SASH1: variants seen among roughly 807,000 people sequenced by gnomAD.
SASH1 encodes SAM and SH3 domain containing 1.
SASH1 carries 44 observed loss-of-function variants against 125.2 expected under a neutral mutation model. The ratio of observed to expected loss-of-function variants is 0.35; its 90% confidence interval spans 0.28 to 0.45. The LOEUF (loss-of-function observed/expected upper bound fraction) is 0.45. SASH1 is among the 20% of genes least tolerant of loss of function. The pLI is 1.00. For missense variants in SASH1, 1,426 were observed against 1,614.5 expected (o/e 0.88, Z 2.00); for synonymous variants, 639 against 649.1 (o/e 0.98, Z 0.24).
intron 4 of SASH1, among the ~76,000 whole-genome samples, chr6:148,456,242 C>T (rs1332613713): frequency 1.3e-5 from 2 of 152,204 alleles, no homozygotes; most frequent in Non-Finnish European, 1.5e-5. Context: ...CCTCACTTTC[C>T]CCCTAGGTTC....
In SASH1 at chr6:148,533,761, T is replaced by C; in HGVS notation, c.1735-10T>C. 6.2e-7 allele frequency: 1 copy of C among 1,609,604 alleles called. No individual in the cohort carries two copies. The highest frequency in any genetic ancestry group is 8.5e-7 in the Non-Finnish European group (1 of 1,177,500). On this transcript the variant is annotated splice_polypyrimidine_tract_variant and intron_variant, in intron 14 of 19. Transcript: ENST00000367467. This position sits in a 1 kb window ranked among gnomAD's most constrained non-coding sequence, Gnocchi z 6.2. Reference sequence around the variant, plus strand: ...ACCTAATGGAAAGATCTTTGCTCCCTGGGCCACAGAAAGGAGATATCATCG... The same window carrying C: ...ACCTAATGGAAAGATCTTTGCTCCCCGGGCCACAGAAAGGAGATATCATCG...
At position 148,544,634 on chromosome 6, in the gene SASH1, C is replaced by T; in HGVS notation, c.3164C>T (p.Thr1055Ile). Reference sequence around the variant, plus strand: ...CAGGCGCCTGGCAGCCCACCAAGCACAAGGCCGCCCCCCTGGCTCTCAGAG... The same window carrying T: ...CAGGCGCCTGGCAGCCCACCAAGCATAAGGCCGCCCCCCTGGCTCTCAGAG... ...SGQAPGSPPS[T>I]RPPPWLSELP... The change falls in exon 18 of 20, where the codon ACA (threonine) becomes ATA (isoleucine). Residue 1055 changes from threonine (T) to isoleucine (I), a missense_variant. Physicochemically the swap from Thr to Ile is moderately conservative, Grantham distance 89. This residue lies in a region of SASH1 where 634 missense variants were observed against 694.4 expected (regional missense o/e 0.91). Transcript: ENST00000367467. This position sits in a 1 kb window ranked among gnomAD's most constrained non-coding sequence, Gnocchi z 6.4. 1 of 1,613,514 alleles carries T rather than the reference C, an allele frequency of 6.2e-7. No homozygotes were observed. The highest frequency in any genetic ancestry group is 8.5e-7 in the Non-Finnish European group (1 of 1,179,856).
At chr6:148,417,910 A>G (rs895314028) in intron 2 of SASH1, among the ~76,000 whole-genome samples, 1 of 152,200 alleles carries the variant, frequency 6.6e-6, no homozygotes, top group African/African-American at 2.4e-5. Flanking sequence ...AACTTTGATG[A>G]TGATGATGGT....
chr6:148,298,061 C>T (rs1049720558), intron 1 of SASH1, among the ~76,000 whole-genome samples: 37 of 150,412 alleles, frequency 2.5e-4, no homozygotes, highest in African/African-American at 9.0e-4. Context: ...GGCTGGACTC[C>T]AGTGGCACGG....
chr6:148,507,645 C>T (rs920202221), intron 8 of SASH1, among the ~76,000 whole-genome samples: 6 of 152,300 alleles, frequency 3.9e-5, no homozygotes, highest in Admixed American at 6.5e-5. Flanking sequence ...AGGCGTGAGC[C>T]ACTGTGCCTG....
intron 1 of SASH1, among the ~76,000 whole-genome samples, chr6:148,289,536 G>C (rs1779571671): frequency 6.6e-6 from 1 of 152,204 alleles, no homozygotes; most frequent in Admixed American, 6.5e-5. Flanking sequence ...TTTCTTCACG[G>C]TAACCAATGC....
intron 2 of SASH1, among the ~76,000 whole-genome samples, chr6:148,402,294 A>G (rs574583581): frequency 1.3e-4 from 20 of 152,266 alleles, no homozygotes; most frequent in Non-Finnish European, 2.9e-4. Flanking sequence ...GCTGATAATT[A>G]TCACAAAAAT....
At position 148,548,524 on chromosome 6, in the gene SASH1, T is replaced by C. The variant is rs759303694; in HGVS notation, c.3710T>C (p.Leu1237Pro). The C allele has an allele frequency of 1.2e-6, 2 of 1,612,150 alleles. No individual in the cohort carries two copies. The highest frequency in any genetic ancestry group is 1.7e-4 in the Middle Eastern group (1 of 6,052). Residue 1237 changes from leucine to proline, a missense_variant, in exon 20 of 20, where the codon CTC becomes CCC. By Grantham distance (98) the Leu-to-Pro change is moderately conservative. Transcript: ENST00000367467. ...HIRKLLSAARLFKLPPGPEAM is the reference protein window; with the variant it reads ...HIRKLLSAARPFKLPPGPEAM ...AGAAAGCTCCTATCTGCAGCCAGAC[T>C]CTTCAAACTGCCGCCAGGCCCTGAG...
chr6:148,331,213 C>G (rs139630539), intron 1 of SASH1, among the ~76,000 whole-genome samples: 142 of 152,340 alleles, frequency 9.3e-4, no homozygotes, highest in African/African-American at 3.4e-3. Context: ...TCCGAATCTT[C>G]ATAGTTCAGA....
intron 8 of SASH1, chr6:148,508,352 T>C (rs1199972995): frequency 4.8e-6 from 2 of 417,960 alleles, no homozygotes; most frequent in Non-Finnish European, 6.4e-6. Flanking sequence ...AGAGATCTTT[T>C]TTTAAGTTCA....
In SASH1 at chr6:148,521,600, A is replaced by G. The variant is rs572165937; in HGVS notation, c.1209+1707A>G. 2.0e-5 allele frequency among the ~76,000 whole-genome samples: 3 copies of G among 152,290 alleles called. No individual in the cohort carries two copies. In the East Asian group the frequency reaches 5.8e-4, roughly 29 times the overall value. On this transcript the variant is annotated intron_variant, in intron 10 of 19. Transcript: ENST00000367467. Reference sequence around the variant, plus strand: ...TTGCAGCACTTTTAATACTACTAGTATGTAGCAGGAACTTTTCTTCTGGCT... The same window carrying G: ...TTGCAGCACTTTTAATACTACTAGTGTGTAGCAGGAACTTTTCTTCTGGCT...
At chr6:148,481,272 G>A (rs1000121335) in intron 7 of SASH1, among the ~76,000 whole-genome samples, 3 of 152,114 alleles carry the variant, frequency 2.0e-5, no homozygotes, top group South Asian at 2.1e-4. Flanking sequence ...GTTGGCTTAC[G>A]AGAGTGTTGT....
At chr6:148,256,769 C>T in the SASH1 span, among the ~76,000 whole-genome samples, 1 of 152,102 alleles carries the variant, frequency 6.6e-6, no homozygotes, top group Non-Finnish European at 1.5e-5. Flanking sequence ...TATGGTATGA[C>T]TATGCATTTG....
chr6:148,348,245 C>T (rs1781582394), intron 1 of SASH1, among the ~76,000 whole-genome samples: 2 of 152,170 alleles, frequency 1.3e-5, no homozygotes, highest in African/African-American at 2.4e-5. Context: ...CCACCCACCT[C>T]GGTCTCCCAA....
intron 4 of SASH1, among the ~76,000 whole-genome samples, chr6:148,447,564 C>T (rs1318282608): frequency 6.6e-6 from 1 of 152,166 alleles, no homozygotes; most frequent in African/African-American, 2.4e-5. Context: ...TGCTTTGGAT[C>T]ATCTGCTGCT....
intron 4 of SASH1, among the ~76,000 whole-genome samples, chr6:148,460,578 A>G (rs1205018748): frequency 6.6e-6 from 1 of 152,208 alleles, no homozygotes; most frequent in African/African-American, 2.4e-5. Context: ...GACTCAAGCC[A>G]TTTCCCTTGA....
At chr6:148,275,411 G>T (rs1243389806) in intron 1 of SASH1, among the ~76,000 whole-genome samples, 1 of 152,048 alleles carries the variant, frequency 6.6e-6, no homozygotes, top group African/African-American at 2.4e-5. Context: ...TTCCACTTGT[G>T]GTTTCTTTTG....
At chr6:148,426,246 A>G (rs1775819536) in intron 2 of SASH1, among the ~76,000 whole-genome samples, 1 of 151,922 alleles carries the variant, frequency 6.6e-6, no homozygotes, top group African/African-American at 2.4e-5. Flanking sequence ...AAATAATAAT[A>G]CTTTTTTTTC....
At chr6:148,447,633 C>T (rs1297499723) in intron 4 of SASH1, among the ~76,000 whole-genome samples, 1 of 151,510 alleles carries the variant, frequency 6.6e-6, no homozygotes, top group Non-Finnish European at 1.5e-5. Context: ...CCTTCCTTCT[C>T]CTCCTCCTCC....
Sources: gnomAD v4.1 joint callset for allele counts (sites outside exome capture counted in the v4.1 genomes callset) on GRCh38, gnomAD v4.1.1 for gene constraint, gnomAD v4.1.1 regional missense constraint, Gnocchi (gnomAD v3.1) non-coding constraint, MANE v1.5 for transcripts, NCBI Gene and HGNC (gene_info 2026-07-23, HGNC 2026-07-21) for gene names.